Variants in ARHGAP11A observed in about 807,000 individuals in gnomAD.
ARHGAP11A encodes the protein Rho GTPase activating protein 11A.
Under a neutral mutation model 60.5 loss-of-function variants are expected in ARHGAP11A, and 36 were observed. The ratio of observed to expected loss-of-function variants is 0.59; its 90% confidence interval spans 0.46 to 0.79. The LOEUF (loss-of-function observed/expected upper bound fraction) is 0.79. ARHGAP11A is among the 30% of genes least tolerant of loss of function. The pLI is 0.00. For missense variants in ARHGAP11A, 1,071 were observed against 1,199.2 expected, an observed-to-expected ratio of 0.89 and a Z score of 1.58; for synonymous variants, 362 against 415.5, an observed-to-expected ratio of 0.87 and a Z score of 1.57.
chr15:32,617,530 G>A (rs1328331769), intron 1 of ARHGAP11A, among the ~76,000 whole-genome samples: 2 of 136,066 alleles, frequency 1.5e-5, no homozygotes, highest in Non-Finnish European at 3.1e-5. Context: ...GGAGTGCAGT[G>A]GCGCGATCTT....
rs1219474335 is a variant in ARHGAP11A, at chr15:32,625,549, G to A, written c.778G>A (p.Ala260Thr). 6.2e-7 allele frequency: 1 copy of A among 1,613,644 alleles called. No individual in the cohort carries two copies. The highest frequency in any genetic ancestry group is 8.5e-7 in the Non-Finnish European group (1 of 1,179,712). The change falls in exon 6 of 12, where the codon GCT becomes ACT. Residue 260 changes from alanine (A) to threonine (T), a missense_variant. Ala to Thr is a moderately conservative substitution (Grantham distance 58, BLOSUM62 0). Coordinates refer to ENST00000361627, the MANE Select transcript of ARHGAP11A (RefSeq NM_014783.6). ...CATGTTGGGTATTGATGGTCTCTGT[G>A]CTACTCCATCACTGGAAGGCTTTGA... ...PAMLGIDGLC[A>T]TPSLEGFEEG...
In ARHGAP11A at chr15:32,625,603, T is replaced by C. The variant is rs1277785020; in HGVS notation, c.832T>C (p.Tyr278His). 3 of 1,613,778 alleles carry C rather than the reference T, an allele frequency of 1.9e-6. No homozygotes were observed. ...AGGTGAATATGAAACTCCTGGTGAA[T>C]ATAAGAGAAAGAGAAGACAAAGTGT... The part of the protein sequence containing the change: ...EEGEYETPGE[Y>H]KRKRRQSVGD... Residue 278 changes from tyrosine (Y) to histidine (H), a missense_variant, in exon 6 of 12, where the codon TAT (tyrosine) becomes CAT (histidine). Physicochemically the swap from Tyr to His is moderately conservative, Grantham distance 83 (BLOSUM62 2). This residue lies in a region of ARHGAP11A where 196 missense variants were observed against 272.1 expected (regional missense o/e 0.72). Coordinates refer to ENST00000361627, the MANE Select transcript of ARHGAP11A (RefSeq NM_014783.6).
At chr15:32,618,849 A>G (rs913414298) in intron 1 of ARHGAP11A, among the ~76,000 whole-genome samples, 1 of 148,704 alleles carries the variant, frequency 6.7e-6, no homozygotes, top group Non-Finnish European at 1.5e-5. Context: ...CTACTCGGGA[A>G]GCTGAGGCAG....
At position 32,637,362 on chromosome 15, in the gene ARHGAP11A, T is replaced by C; in HGVS notation, c.2589T>C (p.Leu863=). ...RQPTGHKLAS[L]GDTASPLVKS... is the part of the protein sequence containing the mutation. ...CTACAGGGCATAAGTTGGCGAGTCT[T>C]GGTGATACAGCTTCTCCTTTGGTCA... is the stretch of plus-strand genomic sequence containing the variant. The change falls in exon 12 of 12, where the codon CTT becomes CTC. Residue 863 remains leucine (L), a synonymous_variant. Coordinates refer to ENST00000361627, the MANE Select transcript of ARHGAP11A (RefSeq NM_014783.6). The C allele has an allele frequency of 6.2e-7, 1 of 1,614,154 alleles. No homozygotes were observed. The highest frequency in any genetic ancestry group is 8.5e-7 in the Non-Finnish European group (1 of 1,180,016).
rs1415420164 is a variant in ARHGAP11A, at chr15:32,617,518, C to G, written c.129+1178C>G. 7.3e-4 allele frequency among the ~76,000 whole-genome samples: 98 copies of G among 134,834 alleles called. 1 individual carries two copies. In the East Asian group the frequency reaches 0.02, roughly 28 times the overall value. The allele number at this position is 134,834 out of a possible 152,430, so 88.5% of individuals were successfully genotyped here. ...ATGGAGTCTCCCTCTGTCGCCCAGG[C>G]TGGAGTGCAGTGGCGCGATCTTGGC... On this transcript the variant is annotated intron_variant, in intron 1 of 11. Coordinates refer to ENST00000361627, the MANE Select transcript of ARHGAP11A (RefSeq NM_014783.6).
chr15:32,617,050 T>A (rs1026715195), intron 1 of ARHGAP11A, among the ~76,000 whole-genome samples: 2 of 152,190 alleles, frequency 1.3e-5, no homozygotes, highest in African/African-American at 4.8e-5. Flanking sequence ...GGATTTTGAA[T>A]GAGATTTTAA....
chr15:32,620,060 A>G, intron 1 of ARHGAP11A, 48 bp from the exon 2 acceptor site: 2 of 1,545,682 alleles, frequency 1.3e-6, no homozygotes, highest in Non-Finnish European at 8.7e-7. Context: ...AAGAAAACTG[A>G]TATTATGCCT....
At position 32,636,273 on chromosome 15, in the gene ARHGAP11A, T is replaced by A; in HGVS notation, c.1500T>A (p.Ser500Arg). The change falls in exon 12 of 12, where the codon AGT (serine) becomes AGA (arginine). Residue 500 changes from serine (S) to arginine (R), a missense_variant. Coordinates refer to ENST00000361627, the MANE Select transcript of ARHGAP11A (RefSeq NM_014783.6). ...TTATTTTAGGTTCAGAAAAGATCAG[T>A]AAGTCTGAGGAAACCTTACTAACTC... Reference protein sequence around the residue: ...KLPKKGSEKISKSEETLLTPE... With the variant: ...KLPKKGSEKIRKSEETLLTPE... 1 of 1,602,478 alleles carries A rather than the reference T, an allele frequency of 6.2e-7. No individual in the cohort carries two copies. The highest frequency in any genetic ancestry group is 1.7e-4 in the Middle Eastern group (1 of 5,974).
In ARHGAP11A at chr15:32,615,886, A is replaced by G. The variant is rs953456823; in HGVS notation, c.-326A>G. 1.1e-4 allele frequency: 39 copies of G among 361,580 alleles called. No homozygotes were observed. Among genetic ancestry groups the G allele is most frequent in the Non-Finnish European group, 1.6e-4 (32 of 199,010 alleles). The allele number at this position is 361,580 out of a possible 1,614,324, so 22.4% of individuals were successfully genotyped here. On this transcript the variant is annotated 5_prime_UTR_variant, in exon 1 of 12. Transcript: ENST00000361627. ...AGAAGTGGAGAGAATCTGGCAATAGACGAGAAACCGAAAGAATCAGAAAGA... is the reference window on the plus strand; with the variant it reads ...AGAAGTGGAGAGAATCTGGCAATAGGCGAGAAACCGAAAGAATCAGAAAGA...
Position 32,637,022 on chromosome 15 carries a change from A to G in ARHGAP11A, c.2249A>G (p.Lys750Arg). The change falls in exon 12 of 12, where the codon AAG (lysine) becomes AGG (arginine). Residue 750 changes from lysine to arginine, a missense_variant. This residue lies in a region of ARHGAP11A where 776 missense variants were observed against 760.2 expected (regional missense o/e 1.02). Coordinates refer to ENST00000361627, the MANE Select transcript of ARHGAP11A (RefSeq NM_014783.6). ...NENMMEGNLPKCAAHSKDEAR... is the reference protein window; with the variant it reads ...NENMMEGNLPRCAAHSKDEAR... ...AATATGATGGAAGGTAACTTACCGAAGTGTGCAGCACATAGCAAGGACGAG... is the reference window on the plus strand; with the variant it reads ...AATATGATGGAAGGTAACTTACCGAGGTGTGCAGCACATAGCAAGGACGAG... 1 of 1,612,784 alleles carries G rather than the reference A, an allele frequency of 6.2e-7. No individual in the cohort carries two copies. The highest frequency in any genetic ancestry group is 2.2e-5 in the East Asian group (1 of 44,888).
rs763113041 is a variant in ARHGAP11A at position 32,625,142 on chromosome 15, A to G, written c.614A>G (p.Gln205Arg). 3.1e-6 allele frequency: 5 copies of G among 1,613,988 alleles called. No individual in the cohort carries two copies. Among genetic ancestry groups the G allele is most frequent in the Non-Finnish European group, 4.2e-6 (5 of 1,179,846 alleles). ...GTAATATTTGCACCGAATCTTCTTCAGACAAGTGAAGGACATGAAAAGATG... is the reference window on the plus strand; with the variant it reads ...GTAATATTTGCACCGAATCTTCTTCGGACAAGTGAAGGACATGAAAAGATG... ...LAVIFAPNLL[Q>R]TSEGHEKMSS... The change falls in exon 5 of 12, where the codon CAG (glutamine) becomes CGG (arginine). Residue 205 changes from glutamine (Q) to arginine (R), a missense_variant. Physicochemically the swap from Gln to Arg is conservative, Grantham distance 43. Coordinates refer to ENST00000361627, the MANE Select transcript of ARHGAP11A (RefSeq NM_014783.6).
intron 1 of ARHGAP11A, among the ~76,000 whole-genome samples, chr15:32,617,489 T>TTTGG (rs2053183500): frequency 7.0e-6 from 1 of 142,282 alleles, no homozygotes; most frequent in Non-Finnish European, 1.5e-5. Flanking sequence ...TTTTTTTTTT[T>TTTGG]GAGATGGAGT....
In ARHGAP11A at chr15:32,630,237, G is replaced by A. The variant is rs1027962199; in HGVS notation, c.1105+475G>A. 1.3e-3 allele frequency among the ~76,000 whole-genome samples: 114 copies of A among 84,914 alleles called. 1 individual carries two copies. Among genetic ancestry groups the A allele is most frequent in the Non-Finnish European group, 7.8e-4 (35 of 44,952 alleles). The allele number at this position is 84,914 out of a possible 152,430, so 55.7% of individuals were successfully genotyped here. ...GGTATTTTTAAAGTTTTAGACTCAA[G>A]TACCTTTTGTAAAAGCTTTAGAACT... On this transcript the variant is annotated intron_variant, in intron 8 of 11. Coordinates refer to ENST00000361627, the MANE Select transcript of ARHGAP11A (RefSeq NM_014783.6).
In ARHGAP11A at chr15:32,637,838, A is replaced by C; in HGVS notation, c.3065A>C (p.Asp1022Ala). 6.3e-7 allele frequency: 1 copy of C among 1,588,548 alleles called. No individual in the cohort carries two copies. Among genetic ancestry groups the C allele is most frequent in the Non-Finnish European group, 8.5e-7 (1 of 1,170,284 alleles). The stretch of plus-strand genomic sequence containing the variant: ...TTACTACCAACAAGTAAACCTGTAG[A>C]TTTGTAATTGGTAAATGTTATACTT... Reference protein sequence around the residue: ...TQLLPTSKPVDL With the variant: ...TQLLPTSKPVAL The change falls in exon 12 of 12, where the codon GAT becomes GCT. Residue 1022 changes from aspartate (D) to alanine (A), a missense_variant. By Grantham distance (126) the Asp-to-Ala change is moderately radical. Around this residue, in one of 4 missense-constraint regions of ARHGAP11A, gnomAD observed 776 missense variants for 760.2 expected, o/e 1.02. Transcript: ENST00000361627.
intron 1 of ARHGAP11A, among the ~76,000 whole-genome samples, chr15:32,617,744 TGGCAGGCGTGAGCCACTGCACTC>T (rs1242965189): frequency 5.9e-5 from 9 of 152,196 alleles, no homozygotes; most frequent in African/African-American, 1.9e-4. Flanking sequence ...AGTGGTGGGA[TGGCAGGCGTGAGCCACTGCACTC>T]GGCCTTTTCA....
chr15:32,635,661 A>G (rs2053688063), intron 10 of ARHGAP11A, 116 bp from the exon 11 acceptor site: 1 of 622,226 alleles, frequency 1.6e-6, no homozygotes, highest in Non-Finnish European at 2.5e-6. Flanking sequence ...TTTCTCAATT[A>G]TATATCCCTT....
chr15:32,626,611 A>G (rs2053463900), intron 6 of ARHGAP11A, among the ~76,000 whole-genome samples: 1 of 152,212 alleles, frequency 6.6e-6, no homozygotes, highest in Non-Finnish European at 1.5e-5. Flanking sequence ...TCCTAGGGCT[A>G]CTGTAGCAAA....
chr15:32,633,130 G>C (rs775486467), intron 9 of ARHGAP11A, 22 bp downstream of exon 9: 1 of 1,612,524 alleles, frequency 6.2e-7, no homozygotes. Context: ...AGGACATTTT[G>C]TTTTCATCGG....
At position 32,635,888 on chromosome 15, in the gene ARHGAP11A, G is replaced by A. The variant is rs368024398; in HGVS notation, c.1456G>A (p.Asp486Asn). 1.2e-6 allele frequency: 2 copies of A among 1,609,468 alleles called. No homozygotes were observed. Among genetic ancestry groups the A allele is most frequent in the African/African-American group, 2.7e-5 (2 of 74,772 alleles). ...SVKTGLLFSPDVDEKLPKKGS... is the reference protein window; with the variant it reads ...SVKTGLLFSPNVDEKLPKKGS... Reference sequence around the variant, plus strand: ...AAAAACAGGTTTGCTTTTTAGCCCAGATGTTGATGAAAAGTTACCAAAGAA... The same window carrying A: ...AAAAACAGGTTTGCTTTTTAGCCCAAATGTTGATGAAAAGTTACCAAAGAA... Residue 486 changes from aspartate (D) to asparagine (N), a missense_variant, in exon 11 of 12, where the codon GAT (aspartate) becomes AAT (asparagine). Around this residue, in one of 4 missense-constraint regions of ARHGAP11A, gnomAD observed 776 missense variants for 760.2 expected, o/e 1.02. Coordinates refer to ENST00000361627, the MANE Select transcript of ARHGAP11A (RefSeq NM_014783.6).
Sources: gnomAD v4.1 joint callset for allele counts (sites outside exome capture counted in the v4.1 genomes callset) on GRCh38, gnomAD v4.1.1 for gene constraint, gnomAD v4.1.1 regional missense constraint, MANE v1.5 for transcripts, NCBI Gene and HGNC (gene_info 2026-07-23, HGNC 2026-07-21) for gene names.